The following IL17RC variants were observed in gnomAD, a reference collection of about 807,000 sequenced individuals.
The protein encoded by IL17RC is interleukin-17 receptor C.
A neutral mutation model predicts 86.7 loss-of-function variants in IL17RC; 53 were observed. The ratio of observed to expected loss-of-function variants is 0.61; its 90% CI spans 0.49 to 0.77. The LOEUF (loss-of-function observed/expected upper bound fraction) is 0.77. IL17RC is among the 30% of genes least tolerant of loss of function. The pLI is 0.00. For synonymous variants in IL17RC, 439 were observed against 413.1 expected (o/e 1.06, Z -0.76); for missense variants, 957 against 940.0 (o/e 1.02, Z -0.24).
intron 8 of IL17RC, 97 bp from the exon 9 acceptor site, chr3:9,924,135 T>C (rs1322053796): frequency 1.9e-6 from 3 of 1,608,364 alleles, no homozygotes; most frequent in Non-Finnish European, 2.5e-6. Flanking sequence ...CAAGGGAAAA[T>C]TGGTGGGGGA....
intron 5 of IL17RC, among the ~76,000 whole-genome samples, chr3:9,919,744 T>C (rs2083395452): frequency 6.6e-6 from 1 of 152,182 alleles, no homozygotes; most frequent in Admixed American, 6.5e-5. Context: ...CTGAATAATT[T>C]CAATAAATTT....
intron 12 of IL17RC, 53 bp downstream of exon 12, chr3:9,928,683 C>T: frequency 3.8e-6 from 6 of 1,582,352 alleles, no homozygotes; most frequent in Non-Finnish European, 5.2e-6. Flanking sequence ...GGCAGACCCC[C>T]CAGCCAAGGG....
In IL17RC at chr3:9,931,470, C is replaced by CACATATATATAT. The variant is rs750351615; in HGVS notation, c.1387+528_1387+529insCATATATATATA. Among the ~76,000 whole-genome samples the CACATATATATAT allele has an allele frequency of 2.1e-3, 90 of 43,656 alleles. 1 individual carries two copies. The highest frequency in any genetic ancestry group is 3.3e-3 in the African/African-American group (67 of 20,050). The allele number at this position is 43,656 out of a possible 152,430, so 28.6% of individuals were successfully genotyped here. ...TATATATTTCACACACACACACACACATATATATATATATATATATATATA... is the reference window on the plus strand; with the variant it reads ...TATATATTTCACACACACACACACACACATATATATATATATATATATATATATATATATATA... On this transcript the variant is annotated intron_variant, in intron 16 of 18. Coordinates refer to ENST00000403601, the MANE Select transcript of IL17RC (RefSeq NM_153460.4).
At chr3:9,923,752 T>G in intron 7 of IL17RC, 129 bp from the exon 8 acceptor site, 1 of 1,016,416 alleles carries the variant, frequency 9.8e-7, no homozygotes, top group Non-Finnish European at 1.5e-6. Context: ...TGGTCTGAAA[T>G]GATGACACAC....
Position 9,930,785 on chromosome 3 carries a change from G to C in IL17RC, c.1339-110G>C. Reference sequence around the variant, plus strand: ...AGAGCAGCTGCAGGAACCTTAGCCGGGAGATATGCATAGTTGATGCTGGGA... The same window carrying C: ...AGAGCAGCTGCAGGAACCTTAGCCGCGAGATATGCATAGTTGATGCTGGGA... On this transcript the variant is annotated intron_variant, in intron 15 of 18. Coordinates refer to ENST00000403601, the MANE Select transcript of IL17RC (RefSeq NM_153460.4). This position sits in a 1 kb window ranked among gnomAD's most constrained non-coding sequence, Gnocchi z 5.8. 2.1e-6 allele frequency: 2 copies of C among 947,518 alleles called. No individual in the cohort carries two copies. Among genetic ancestry groups the C allele is most frequent in the Non-Finnish European group, 3.5e-6 (2 of 571,484 alleles). 58.7% of individuals were successfully genotyped at this position (947,518 alleles called of 1,614,324 possible).
In IL17RC at chr3:9,930,941, A is replaced by G; in HGVS notation, c.1385A>G (p.Lys462Arg). The G allele has an allele frequency of 6.2e-7, 1 of 1,613,540 alleles. No homozygotes were observed. The highest frequency in any genetic ancestry group is 1.3e-5 in the African/African-American group (1 of 75,028). Residue 462 changes from lysine (K) to arginine (R), a missense_variant and splice_region_variant, in exon 16 of 19, where the codon AAA becomes AGA. Transcript: ENST00000403601. This position sits in a 1 kb window ranked among gnomAD's most constrained non-coding sequence, Gnocchi z 5.8. ...GCGCTATGGGCCTGCCCCATGGACAAATGTGAGTATTGTAAGAACTGCCTT... is the reference window on the plus strand; with the variant it reads ...GCGCTATGGGCCTGCCCCATGGACAGATGTGAGTATTGTAAGAACTGCCTT... ...LGALWACPMD[K>R]YIHKRWALVW...
At chr3:9,918,267 C>T in intron 3 of IL17RC, 68 bp from the exon 4 acceptor site, 1 of 1,450,172 alleles carries the variant, frequency 6.9e-7, no homozygotes, top group Non-Finnish European at 9.4e-7. Flanking sequence ...CAGAAGGAAG[C>T]CAACGCCAAA....
rs113901070 is a variant in IL17RC, at chr3:9,921,624, C to CT, written c.622+673dup. Reference sequence around the variant, plus strand: ...AAAGTATGTAAAGGGTACTGATTTTCTTTTTTTTTTTTTTTTTTGAGACAG... The same window carrying CT: ...AAAGTATGTAAAGGGTACTGATTTTCTTTTTTTTTTTTTTTTTTTGAGACAG... On this transcript the variant is annotated intron_variant, in intron 7 of 18. Coordinates refer to ENST00000403601, the MANE Select transcript of IL17RC (RefSeq NM_153460.4). Among the ~76,000 whole-genome samples the CT allele has an allele frequency of 1.8e-3, 238 of 135,734 alleles. 2 individuals are homozygous for CT. Among genetic ancestry groups the CT allele is most frequent in the Admixed American group, 3.5e-3 (47 of 13,520 alleles). 89.0% of individuals were successfully genotyped at this position (135,734 alleles called of 152,430 possible). A position where few individuals can be genotyped will look rare whatever the true frequency, so the allele number is the denominator to read the frequency against.
At chr3:9,929,775 T>A in intron 12 of IL17RC, 77 bp from the exon 13 acceptor site, 1 of 1,534,080 alleles carries the variant, frequency 6.5e-7, no homozygotes, top group Non-Finnish European at 9.0e-7. Context: ...GGCCTTCTGT[T>A]GCCTGCCCCA....
Position 9,928,374 on chromosome 3 carries a change from T to C in IL17RC, c.947T>C (p.Leu316Pro). The C allele has an allele frequency of 6.2e-7, 1 of 1,605,472 alleles. No homozygotes were observed. Among genetic ancestry groups the C allele is most frequent in the Non-Finnish European group, 8.5e-7 (1 of 1,175,154 alleles). ...CTGCTGACCCTGCAGAGCTGGCTGC[T>C]GGACGCACCGTGCTCGCTGCCCGCA... ...LQLLTLQSWLLDAPCSLPAEA... is the reference protein window; with the variant it reads ...LQLLTLQSWLPDAPCSLPAEA... The change falls in exon 11 of 19, where the codon CTG becomes CCG. Residue 316 changes from leucine to proline, a missense_variant. Coordinates refer to ENST00000403601, the MANE Select transcript of IL17RC (RefSeq NM_153460.4).
chr3:9,921,000 G>A, intron 7 of IL17RC, 31 bp downstream of exon 7: 1 of 1,452,562 alleles, frequency 6.9e-7, no homozygotes, highest in Non-Finnish European at 9.4e-7. Flanking sequence ...GCCGGGGGTA[G>A]GGAGGGGCAG....
At chr3:9,920,693 C>T in intron 6 of IL17RC, 91 bp downstream of exon 6, 1 of 921,218 alleles carries the variant, frequency 1.1e-6, no homozygotes, top group East Asian at 2.6e-5. Flanking sequence ...TCCATCCACT[C>T]TCCGGCAGGG....
chr3:9,918,189 G>A, intron 3 of IL17RC, 114 bp downstream of exon 3: 2 of 1,327,684 alleles, frequency 1.5e-6, no homozygotes, highest in East Asian at 2.5e-5. Context: ...TCTCCTGGAG[G>A]ACACCAGCAG....
rs1341716326 is a variant in IL17RC at position 9,932,853 on chromosome 3, C to CG, written c.1522+1dup. 13 of 1,568,790 alleles carry CG rather than the reference C, an allele frequency of 8.3e-6. No individual in the cohort carries two copies. Among genetic ancestry groups the CG allele is most frequent in the Non-Finnish European group, 1.1e-5 (13 of 1,162,438 alleles). On this transcript the variant is annotated frameshift_variant, in exon 18 of 19. Transcript: ENST00000403601. LOFTEE classifies it low-confidence loss of function (END_TRUNC). ...AGGCTCTTGAAACAGGACGTCCGCTCGGGGGGTGAGTGGGAGCAAGCGCTG... is the reference window on the plus strand; with the variant it reads ...AGGCTCTTGAAACAGGACGTCCGCTCGGGGGGGTGAGTGGGAGCAAGCGCTG...
Position 9,930,787 on chromosome 3 carries a change from A to C in IL17RC, c.1339-108A>C. 1 of 949,436 alleles carries C rather than the reference A, an allele frequency of 1.1e-6. No homozygotes were observed. The highest frequency in any genetic ancestry group is 1.3e-5 in the South Asian group (1 of 77,644). The allele number at this position is 949,436 out of a possible 1,614,324, so 58.8% of individuals were successfully genotyped here. On this transcript the variant is annotated intron_variant, in intron 15 of 18. Transcript: ENST00000403601. This position sits in a 1 kb window ranked among gnomAD's most constrained non-coding sequence, Gnocchi z 5.8. The stretch of plus-strand genomic sequence containing the variant: ...AGCAGCTGCAGGAACCTTAGCCGGG[A>C]GATATGCATAGTTGATGCTGGGAAT...
rs1364264671 is a variant in IL17RC at position 9,929,834 on chromosome 3, A to G, written c.1111-18A>G. 2.2e-5 allele frequency: 36 copies of G among 1,613,974 alleles called. No individual in the cohort carries two copies. The highest frequency in any genetic ancestry group is 3.0e-5 in the Non-Finnish European group (35 of 1,179,932). ...TTTGCTTTTCTTAGTGGCCCTAACCATGGTCTCTTCCCAGCAGGTGAACAG... is the reference window on the plus strand; with the variant it reads ...TTTGCTTTTCTTAGTGGCCCTAACCGTGGTCTCTTCCCAGCAGGTGAACAG... On this transcript the variant is annotated intron_variant, in intron 12 of 18. Coordinates refer to ENST00000403601, the MANE Select transcript of IL17RC (RefSeq NM_153460.4).
chr3:9,930,071 A>T lies in IL17RC; in HGVS notation c.1200A>T (p.Thr400=), dbSNP rs1208790365. 3 of 1,613,980 alleles carry T rather than the reference A, an allele frequency of 1.9e-6. No homozygotes were observed. Among genetic ancestry groups the T allele is most frequent in the Non-Finnish European group, 2.5e-6 (3 of 1,180,000 alleles). Residue 400 remains threonine (T), a synonymous_variant, in exon 14 of 19, where the codon ACA becomes ACT. Transcript: ENST00000403601. The surrounding 1 kb of genome is among the most constrained non-coding windows in gnomAD (Gnocchi z 5.8). ...PLKDDVLLLE[T]RGPQDNRSLC... is the part of the protein sequence containing the mutation. ...AAGACGATGTGCTACTGTTGGAGAC[A>T]CGAGGCCCCCAGGACAACAGATCCC...
Position 9,929,705 on chromosome 3 carries a change from AC to A in IL17RC, c.1111-144del, listed in dbSNP as rs947609374. On this transcript the variant is annotated intron_variant, in intron 12 of 18. Coordinates refer to ENST00000403601, the MANE Select transcript of IL17RC (RefSeq NM_153460.4). ...GAGAAAGATGTAGTGATTCCTAATC[AC>A]CCAGCCTTGAATCCACATCTGCCTC... The A allele has an allele frequency of 4.4e-5, 36 of 809,656 alleles. No homozygotes were observed. In the Admixed American group the frequency reaches 6.0e-4, roughly 14 times the overall value. The allele number at this position is 809,656 out of a possible 1,614,324, so 50.2% of individuals were successfully genotyped here.
Position 9,933,044 on chromosome 3 carries a change from C to G in IL17RC, c.1614C>G (p.Cys538Trp). 2.6e-6 allele frequency: 4 copies of G among 1,549,076 alleles called. No individual in the cohort carries two copies. The highest frequency in any genetic ancestry group is 3.5e-6 in the Non-Finnish European group (4 of 1,157,142). ...TGGGCGCCCTGGCGTCGGCCCTGTGCCAGCTGCCGCTGCGCGTGGCCGTAG... is the reference window on the plus strand; with the variant it reads ...TGGGCGCCCTGGCGTCGGCCCTGTGGCAGCTGCCGCTGCGCGTGGCCGTAG... ...RLVGALASAL[C>W]QLPLRVAVDL... The change falls in exon 19 of 19, where the codon TGC becomes TGG. Residue 538 changes from cysteine to tryptophan, a missense_variant. Cys to Trp is a radical substitution (Grantham distance 215). Coordinates refer to ENST00000403601, the MANE Select transcript of IL17RC (RefSeq NM_153460.4).
Sources: allele counts gnomAD v4.1 joint callset (sites outside exome capture counted in the v4.1 genomes callset), GRCh38; gene constraint gnomAD v4.1.1; non-coding constraint Gnocchi (gnomAD v3.1); transcripts MANE v1.5; gene names NCBI Gene and HGNC (gene_info 2026-07-23, HGNC 2026-07-21).